Variants in SCN11A observed in about 807,000 individuals in gnomAD.
SCN11A encodes the protein sodium channel protein type 11 subunit alpha.
SCN11A carries 122 observed loss-of-function variants against 162.2 expected under a neutral mutation model. The ratio of observed to expected loss-of-function variants is 0.75; its 90% CI spans 0.65 to 0.87. The LOEUF (loss-of-function observed/expected upper bound fraction) is 0.87, where lower values mean the gene tolerates loss of function less well. Ranked by LOEUF, SCN11A falls within the 40% of genes least tolerant of loss-of-function variation. The pLI is 0.00. For synonymous variants in SCN11A, 758 were observed against 751.5 expected (o/e 1.01, Z -0.14); for missense variants, 2,015 against 2,181.6 (o/e 0.92, Z 1.52).
chr3:39,035,470 C>G (rs2031878656), intron 1 of SCN11A, among the ~76,000 whole-genome samples: 1 of 152,160 alleles, frequency 6.6e-6, no homozygotes, highest in Non-Finnish European at 1.5e-5. Context: ...GGACTTAAAT[C>G]TAAGACCTCA....
rs1424150542 is a variant in SCN11A, at chr3:38,872,360, TC to T, written c.3394-67del. On this transcript the variant is annotated intron_variant, in intron 23 of 29. Transcript: ENST00000302328. ...TGTCCAGCTGGAAAGTCCATTTTTC[TC>T]CTTATCTACCAAAGCTACAGTCCAT... The T allele has an allele frequency of 1.2e-5, 10 of 844,064 alleles. No individual in the cohort carries two copies. In the East Asian group the frequency reaches 1.7e-4, roughly 14 times the overall value. 52.3% of individuals were successfully genotyped at this position (844,064 alleles called of 1,614,324 possible).
intron 9 of SCN11A, among the ~76,000 whole-genome samples, chr3:38,923,798 C>T (rs4345016): frequency 1.3e-5 from 2 of 151,966 alleles, no homozygotes; most frequent in African/African-American, 4.8e-5. Context: ...AAAGATGAGT[C>T]GGGGGAGCAG....
intron 23 of SCN11A, among the ~76,000 whole-genome samples, chr3:38,878,213 G>C (rs75861035): frequency 3.0e-4 from 45 of 149,502 alleles, no homozygotes; most frequent in African/African-American, 9.8e-4. Flanking sequence ...TCTCAGCCTG[G>C]TACCCTTTTT....
chr3:38,870,018 T>C (rs1232344819), intron 26 of SCN11A, among the ~76,000 whole-genome samples: 3 of 152,168 alleles, frequency 2.0e-5, no homozygotes, highest in Admixed American at 2.0e-4. Flanking sequence ...ACATGTGCTA[T>C]AATAGGAAAC....
Position 38,921,408 on chromosome 3 carries a change from G to A in SCN11A, c.713-153C>T, listed in dbSNP as rs56386033. The stretch of plus-strand genomic sequence containing the variant: ...CCTATGATTCTGATGCCTTGAGTTT[G>A]TGCTCCAACTCTGTGCCTTGGAAGC... On this transcript the variant is annotated intron_variant, in intron 9 of 29. Transcript: ENST00000302328. Among the ~76,000 whole-genome samples, 2,407 of 152,270 alleles carry A rather than the reference G, an allele frequency of 0.016. 65 individuals carry two copies. Among genetic ancestry groups the A allele is most frequent in the African/African-American group, 0.056 (2,309 of 41,532 alleles).
intron 7 of SCN11A, among the ~76,000 whole-genome samples, chr3:38,928,665 C>A (rs1169506003): frequency 6.6e-6 from 1 of 151,962 alleles, no homozygotes; most frequent in Non-Finnish European, 1.5e-5. Flanking sequence ...TACAAATGGC[C>A]AACGAGCATA....
chr3:38,858,390 C>A (rs933223736), intron 28 of SCN11A, among the ~76,000 whole-genome samples: 1 of 152,022 alleles, frequency 6.6e-6, no homozygotes, highest in Admixed American at 6.6e-5. Context: ...ACAAAACAGA[C>A]TTTAAAGCAA....
chr3:39,029,678 C>T (rs550731696), intron 2 of SCN11A, among the ~76,000 whole-genome samples: 60 of 152,342 alleles, frequency 3.9e-4, no homozygotes, highest in Non-Finnish European at 8.1e-4. Flanking sequence ...TCATTCATAG[C>T]AGTTCAGCAA....
rs1559485324 is a variant in SCN11A at position 38,850,630 on chromosome 3, G to T, written c.4178C>A (p.Ala1393Asp). Residue 1393 changes from alanine (A) to aspartate (D), a missense_variant, in exon 29 of 30, where the codon GCC becomes GAC. Ala to Asp is a moderately radical substitution (Grantham distance 126). Transcript: ENST00000302328. ...GAGATGGTCAAGGATGGATTTCATG[G>T]CTTTGGGTTGGTTGTATGATTCAGC... ...MMAESYNQPK[A>D]MKSILDHLNW... 6 of 1,613,850 alleles carry T rather than the reference G, an allele frequency of 3.7e-6. No individual in the cohort carries two copies. Among genetic ancestry groups the T allele is most frequent in the Non-Finnish European group, 5.1e-6 (6 of 1,179,902 alleles).
intron 2 of SCN11A, among the ~76,000 whole-genome samples, chr3:39,031,802 T>G (rs1447305122): frequency 6.6e-6 from 1 of 152,200 alleles, no homozygotes; most frequent in African/African-American, 2.4e-5. Context: ...GCTTCTTAGT[T>G]TCTCCGTGAA....
intron 2 of SCN11A, among the ~76,000 whole-genome samples, chr3:38,990,657 A>C (rs976060077): frequency 2.6e-5 from 4 of 152,134 alleles, no homozygotes; most frequent in Non-Finnish European, 5.9e-5. Context: ...TCTGTGCCAA[A>C]TCCTGTGCAA....
intron 2 of SCN11A, among the ~76,000 whole-genome samples, chr3:39,024,066 C>T (rs2031522812): frequency 6.6e-6 from 1 of 152,158 alleles, no homozygotes; most frequent in Admixed American, 6.5e-5. Flanking sequence ...CCTGTCCTCC[C>T]CATCACAAGT....
chr3:38,948,323 C>T (rs970948609), intron 5 of SCN11A, among the ~76,000 whole-genome samples: 3 of 152,136 alleles, frequency 2.0e-5, no homozygotes, highest in Non-Finnish European at 4.4e-5. Flanking sequence ...TTTATTGATG[C>T]CTCTTCTTAC....
At chr3:38,871,237 C>A (rs986358777) in intron 25 of SCN11A, among the ~76,000 whole-genome samples, 18 of 152,124 alleles carry the variant, frequency 1.2e-4, no homozygotes, top group African/African-American at 3.4e-4. Context: ...CTTAAAGGGG[C>A]ATCACTAGGA....
chr3:38,847,689 G>A lies in SCN11A; in HGVS notation c.4381C>T (p.Leu1461Phe), dbSNP rs2064698471. 1 of 1,613,110 alleles carries A rather than the reference G, an allele frequency of 6.2e-7. No individual in the cohort carries two copies. The highest frequency in any genetic ancestry group is 1.3e-5 in the African/African-American group (1 of 74,996). ...CGAGCCAAGCGGACAATTCTGAAGA[G>A]CGTCGGAGGGAAAGGAATGTGCTCC... is the stretch of plus-strand genomic sequence containing the variant. ...NQEHIPFPPT[L>F]FRIVRLARIG... The change falls in exon 30 of 30, where the codon CTC (leucine) becomes TTC (phenylalanine). Residue 1461 changes from leucine (L) to phenylalanine (F), a missense_variant. Transcript: ENST00000302328.
chr3:38,935,465 C>T (rs1224291578), intron 7 of SCN11A, among the ~76,000 whole-genome samples: 2 of 152,006 alleles, frequency 1.3e-5, no homozygotes, highest in African/African-American at 4.8e-5. Flanking sequence ...ATCAACAAAA[C>T]TGATAGATCC....
At chr3:38,856,459 G>C (rs1303065671) in intron 28 of SCN11A, among the ~76,000 whole-genome samples, 1 of 152,198 alleles carries the variant, frequency 6.6e-6, no homozygotes, top group African/African-American at 2.4e-5. Flanking sequence ...ACTGGGATAG[G>C]AGTGAGGCTG....
intron 9 of SCN11A, among the ~76,000 whole-genome samples, chr3:38,922,012 A>C (rs1323569666): frequency 6.6e-6 from 1 of 152,178 alleles, no homozygotes; most frequent in Non-Finnish European, 1.5e-5. Context: ...ATCCCCACTC[A>C]CCACCATGGT....
chr3:38,864,397 T>G (rs2065010365), intron 27 of SCN11A, among the ~76,000 whole-genome samples: 1 of 152,176 alleles, frequency 6.6e-6, no homozygotes, highest in Middle Eastern at 3.2e-3. Context: ...CATAGTAGTA[T>G]TAATACCACT....
Sources: gnomAD v4.1 joint callset for allele counts (sites outside exome capture counted in the v4.1 genomes callset) on GRCh38, gnomAD v4.1.1 for gene constraint, MANE v1.5 for transcripts, NCBI Gene and HGNC (gene_info 2026-07-23, HGNC 2026-07-21) for gene names.